The following SLC10A7 variants were observed in gnomAD, a reference collection of about 807,000 sequenced individuals.
SLC10A7 encodes sodium/bile acid cotransporter 7.
SLC10A7 carries 29 observed loss-of-function variants against 43.2 expected under a neutral mutation model. The observed-to-expected ratio is 0.67, with a 90% confidence interval of 0.50 to 0.92. The LOEUF (loss-of-function observed/expected upper bound fraction) is 0.92, where lower values mean the gene tolerates loss of function less well. Among genes scored for constraint, SLC10A7 ranks in the 40% least tolerant of loss-of-function variants. The pLI, the probability that SLC10A7 is intolerant of heterozygous loss-of-function variation, is 0.00. For missense variants in SLC10A7, 295 were observed against 403.2 expected (o/e 0.73, Z 2.30); for synonymous variants, 152 against 144.8 (o/e 1.05, Z -0.35).
chr4:146,326,941 C>G (rs186265668), intron 5 of SLC10A7, among the ~76,000 whole-genome samples: 1 of 140,618 alleles, frequency 7.1e-6, no homozygotes, highest in South Asian at 2.4e-4. Flanking sequence ...CACACACACA[C>G]ACACACACAC....
chr4:146,500,893 G>A (rs1736348408), intron 4 of SLC10A7, among the ~76,000 whole-genome samples: 1 of 152,106 alleles, frequency 6.6e-6, no homozygotes, highest in African/African-American at 2.4e-5. Context: ...TAATTTAGTG[G>A]CTAATCTTCA....
intron 5 of SLC10A7, among the ~76,000 whole-genome samples, chr4:146,433,452 T>C (rs1320916412): frequency 6.6e-6 from 1 of 152,066 alleles, no homozygotes; most frequent in African/African-American, 2.4e-5. Flanking sequence ...GATCAACTTC[T>C]CAGCCAAAAA....
chr4:146,296,592 G>A lies in SLC10A7; in HGVS notation c.556-2497C>T, dbSNP rs1434210653. ...ACTGGAAAGTTGGAAATGGACAGAT[G>A]TACAAGTAAAACAGTACCCCTAGGG... On this transcript the variant is annotated intron_variant, in intron 7 of 11. Coordinates refer to ENST00000335472, the MANE Select transcript of SLC10A7 (RefSeq NM_001029998.6). Among the ~76,000 whole-genome samples, 6 of 152,144 alleles carry A rather than the reference G, an allele frequency of 3.9e-5. No individual in the cohort carries two copies. The East Asian group carries it at 9.6e-4, about 24-fold the overall frequency.
chr4:146,509,434 T>C (rs1737247322), intron 3 of SLC10A7, among the ~76,000 whole-genome samples: 1 of 152,210 alleles, frequency 6.6e-6, no homozygotes, highest in South Asian at 2.1e-4. Context: ...TCACATAGTA[T>C]GTTAGGGATA....
At chr4:146,442,518 A>G (rs1332579923) in intron 5 of SLC10A7, 14 of 1,280,352 alleles carry the variant, frequency 1.1e-5, no homozygotes, top group Admixed American at 4.2e-5. Context: ...CATAACCTCT[A>G]TAAGGAGACA....
intron 4 of SLC10A7, among the ~76,000 whole-genome samples, chr4:146,460,353 A>C (rs534691259): frequency 6.6e-6 from 1 of 152,118 alleles, no homozygotes; most frequent in South Asian, 2.1e-4. Context: ...CAAAAGACAG[A>C]TATTCCTACA....
chr4:146,395,329 G>A (rs1367065787), intron 5 of SLC10A7, among the ~76,000 whole-genome samples: 1 of 152,186 alleles, frequency 6.6e-6, no homozygotes, highest in Non-Finnish European at 1.5e-5. Flanking sequence ...GTTCGAGGCT[G>A]CAGTGTGCCG....
At position 146,509,685 on chromosome 4, in the gene SLC10A7, G is replaced by A. The variant is rs149284698; in HGVS notation, c.320+228C>T. Among the ~76,000 whole-genome samples, 31 of 152,160 alleles carry A rather than the reference G, an allele frequency of 2.0e-4. No individual in the cohort carries two copies. The East Asian group carries it at 4.1e-3, about 20-fold the overall frequency. ...CTCTAAAATTCTCAGAAAAGTGCTCGTCGTAAAACCACAGGATGAAGCATG... is the reference window on the plus strand; with the variant it reads ...CTCTAAAATTCTCAGAAAAGTGCTCATCGTAAAACCACAGGATGAAGCATG... On this transcript the variant is annotated intron_variant, in intron 3 of 11. Transcript: ENST00000335472.
At chr4:146,295,340 T>A (rs1229512180) in intron 7 of SLC10A7, among the ~76,000 whole-genome samples, 1 of 152,142 alleles carries the variant, frequency 6.6e-6, no homozygotes, top group East Asian at 1.9e-4. Context: ...GTGTTAGATA[T>A]TTTAAAAAAT....
At chr4:146,439,247 T>A (rs970245140) in intron 5 of SLC10A7, among the ~76,000 whole-genome samples, 3 of 152,068 alleles carry the variant, frequency 2.0e-5, no homozygotes, top group African/African-American at 7.2e-5. Context: ...CGTTCTATAA[T>A]AATTAGTTCC....
intron 4 of SLC10A7, among the ~76,000 whole-genome samples, chr4:146,473,604 A>T (rs1392533795): frequency 6.6e-6 from 1 of 152,146 alleles, no homozygotes; most frequent in Non-Finnish European, 1.5e-5. Context: ...ATAATTTGAC[A>T]TTTAATTTAA....
intron 4 of SLC10A7, among the ~76,000 whole-genome samples, chr4:146,503,544 T>C (rs1351233800): frequency 6.6e-6 from 1 of 152,238 alleles, no homozygotes; most frequent in African/African-American, 2.4e-5. Context: ...CTGAGAATCT[T>C]GGATGAAAAA....
At chr4:146,474,434 A>C (rs1233197132) in intron 4 of SLC10A7, among the ~76,000 whole-genome samples, 1 of 152,200 alleles carries the variant, frequency 6.6e-6, no homozygotes, top group Non-Finnish European at 1.5e-5. Flanking sequence ...AACAATCAAC[A>C]GCAGCCATGT....
At chr4:146,452,869 C>T (rs897884392) in intron 4 of SLC10A7, among the ~76,000 whole-genome samples, 1 of 151,916 alleles carries the variant, frequency 6.6e-6, no homozygotes, top group Non-Finnish European at 1.5e-5. Context: ...TGAATATTTT[C>T]TCTCAACAAA....
At position 146,254,228 on chromosome 4, in the gene SLC10A7, AT is replaced by A. The variant is rs2110948483; in HGVS notation, c.*2262del. 1 of 152,268 alleles carries A rather than the reference AT, an allele frequency of 6.6e-6. No individual in the cohort carries two copies. The highest frequency in any genetic ancestry group is 2.4e-5 in the African/African-American group (1 of 41,572). The allele number at this position is 152,268 out of a possible 1,614,324, so 9.4% of individuals were successfully genotyped here. Reference sequence around the variant, plus strand: ...ACATTATTACCCATTAAAAAATCTAATTTTGTAACAACCATTAAAAAAAATC... The same window carrying A: ...ACATTATTACCCATTAAAAAATCTAATTTGTAACAACCATTAAAAAAAATC... On this transcript the variant is annotated 3_prime_UTR_variant, in exon 12 of 12. Coordinates refer to ENST00000335472, the MANE Select transcript of SLC10A7 (RefSeq NM_001029998.6).
At chr4:146,451,826 T>G (rs11733337) in intron 4 of SLC10A7, among the ~76,000 whole-genome samples, 37,065 of 151,882 alleles carry the variant, frequency 0.24, 4,603 homozygotes, top group South Asian at 0.34. Context: ...GATATATGCT[T>G]GATGGTGGGG....
intron 5 of SLC10A7, among the ~76,000 whole-genome samples, chr4:146,411,687 T>C (rs1728205211): frequency 6.6e-6 from 1 of 152,196 alleles, no homozygotes; most frequent in African/African-American, 2.4e-5. Flanking sequence ...AAATAGCTAC[T>C]TTCACATTCG....
At chr4:146,385,689 T>G (rs1179172551) in intron 5 of SLC10A7, among the ~76,000 whole-genome samples, 1 of 152,152 alleles carries the variant, frequency 6.6e-6, no homozygotes, top group Non-Finnish European at 1.5e-5. Flanking sequence ...TGGAGTACAT[T>G]TGATCTCATC....
chr4:146,420,823 A>G (rs541151456), intron 5 of SLC10A7, among the ~76,000 whole-genome samples: 37 of 152,082 alleles, frequency 2.4e-4, no homozygotes, highest in African/African-American at 7.0e-4. Flanking sequence ...CTGAGAGTTG[A>G]AGACCAGCCT....
Sources: gnomAD v4.1 joint callset for allele counts (sites outside exome capture counted in the v4.1 genomes callset) on GRCh38, gnomAD v4.1.1 for gene constraint, MANE v1.5 for transcripts, NCBI Gene and HGNC (gene_info 2026-07-23, HGNC 2026-07-21) for gene names.